The following ADAMTS16 variants were observed in gnomAD, a reference collection of about 807,000 sequenced individuals.
The protein encoded by ADAMTS16 is A disintegrin and metalloproteinase with thrombospondin motifs 16.
In ADAMTS16, 94 loss-of-function variants were observed where a neutral mutation model predicts 145.8. That is an observed-to-expected ratio of 0.64 (90% CI 0.55 to 0.77). The LOEUF (loss-of-function observed/expected upper bound fraction) is 0.77, where lower values mean the gene tolerates loss of function less well. Ranked by LOEUF, ADAMTS16 falls within the 30% of genes least tolerant of loss-of-function variation. ADAMTS16 has a pLI of 0.00. For synonymous variants in ADAMTS16, 659 were observed against 604.3 expected (o/e 1.09, Z -1.33); for missense variants, 1,585 against 1,591.5 (o/e 1.00, Z 0.07).
intron 8 of ADAMTS16, among the ~76,000 whole-genome samples, chr5:5,195,235 C>G (rs1242434412): frequency 6.6e-6 from 1 of 152,190 alleles, no homozygotes; most frequent in African/African-American, 2.4e-5. Context: ...GCTGGTGGTA[C>G]AAGGAGAGTT....
intron 18 of ADAMTS16, among the ~76,000 whole-genome samples, chr5:5,283,123 C>A (rs1738983342): frequency 6.6e-6 from 1 of 152,000 alleles, no homozygotes; most frequent in South Asian, 2.1e-4. Flanking sequence ...CTCTTATTTA[C>A]CCCTGCCCTT....
intron 21 of ADAMTS16, among the ~76,000 whole-genome samples, chr5:5,307,263 C>T: frequency 6.6e-6 from 1 of 152,164 alleles, no homozygotes; most frequent in East Asian, 1.9e-4. Flanking sequence ...TCGGGGTGGG[C>T]CCAGACCCCT....
chr5:5,203,480 G>T (rs191197310), intron 9 of ADAMTS16, among the ~76,000 whole-genome samples: 24 of 152,290 alleles, frequency 1.6e-4, no homozygotes, highest in Non-Finnish European at 2.1e-4. Flanking sequence ...CTTATTAGTA[G>T]TCTAGCATTT....
intron 18 of ADAMTS16, among the ~76,000 whole-genome samples, chr5:5,286,053 C>T (rs1473799357): frequency 6.6e-6 from 1 of 152,212 alleles, no homozygotes; most frequent in Non-Finnish European, 1.5e-5. Context: ...TGCTGCTCCT[C>T]TGTTCTACAT....
intron 18 of ADAMTS16, among the ~76,000 whole-genome samples, chr5:5,294,652 T>A (rs960270472): frequency 3.3e-5 from 5 of 152,250 alleles, no homozygotes; most frequent in Non-Finnish European, 5.9e-5. Context: ...TCTAGACATG[T>A]TGACACATCA....
intron 17 of ADAMTS16, among the ~76,000 whole-genome samples, chr5:5,249,050 T>C (rs1328967364): frequency 6.6e-6 from 1 of 152,058 alleles, no homozygotes; most frequent in Non-Finnish European, 1.5e-5. Flanking sequence ...ACCAGAGAGG[T>C]GTCTTCCAGT....
rs765625721 is a variant in ADAMTS16 at position 5,140,629 on chromosome 5, C to T, written c.73-35C>T. On this transcript the variant is annotated intron_variant, in intron 1 of 22. Coordinates refer to ENST00000274181, the MANE Select transcript of ADAMTS16 (RefSeq NM_139056.4). ...CGCGGCTCCTCTCCCGCGGACCCCGCCGTCTCACCGCGATGTCGCCGCTGT... is the reference window on the plus strand; with the variant it reads ...CGCGGCTCCTCTCCCGCGGACCCCGTCGTCTCACCGCGATGTCGCCGCTGT... 4 of 1,530,386 alleles carry T rather than the reference C, an allele frequency of 2.6e-6. No homozygotes were observed. In the Admixed American group the frequency reaches 5.9e-5, roughly 23 times the overall value. The allele number at this position is 1,530,386 out of a possible 1,614,324, so 94.8% of individuals were successfully genotyped here.
chr5:5,214,386 A>G (rs768916508), intron 10 of ADAMTS16, among the ~76,000 whole-genome samples: 3 of 152,126 alleles, frequency 2.0e-5, no homozygotes, highest in Non-Finnish European at 4.4e-5. Flanking sequence ...CACAAACTTT[A>G]TGTATTTTCT....
At chr5:5,318,446 G>A (rs561354108) in intron 22 of ADAMTS16, among the ~76,000 whole-genome samples, 165 bp downstream of exon 22, 22 of 152,292 alleles carry the variant, frequency 1.4e-4, no homozygotes, top group African/African-American at 4.3e-4. Flanking sequence ...AGAGCAGACC[G>A]GGCTGCCTCT....
At chr5:5,311,718 T>C (rs1740453900) in intron 21 of ADAMTS16, among the ~76,000 whole-genome samples, 1 of 149,588 alleles carries the variant, frequency 6.7e-6, no homozygotes, top group Non-Finnish European at 1.5e-5. Context: ...AGCTAGTTTT[T>C]GTTTTTGTTT....
intron 9 of ADAMTS16, among the ~76,000 whole-genome samples, chr5:5,208,269 G>A (rs1190887934): frequency 6.6e-6 from 1 of 152,142 alleles, no homozygotes; most frequent in Non-Finnish European, 1.5e-5. Context: ...AGCCAAGTTT[G>A]GAGGATGATC....
intron 11 of ADAMTS16, among the ~76,000 whole-genome samples, chr5:5,227,116 G>A (rs1363797303): frequency 6.6e-6 from 1 of 152,240 alleles, no homozygotes; most frequent in Non-Finnish European, 1.5e-5. Context: ...TTTCAGAAGA[G>A]GACACCGGGC....
intron 8 of ADAMTS16, among the ~76,000 whole-genome samples, chr5:5,197,058 G>A (rs889489600): frequency 6.6e-6 from 1 of 152,150 alleles, no homozygotes. Flanking sequence ...TGAAGCCTGC[G>A]TCAGGGCTCT....
At chr5:5,262,097 A>G (rs1738055451) in intron 17 of ADAMTS16, among the ~76,000 whole-genome samples, 1 of 152,244 alleles carries the variant, frequency 6.6e-6, no homozygotes. Context: ...GAGGCTGAGA[A>G]TCAAACAAAC....
intron 8 of ADAMTS16, among the ~76,000 whole-genome samples, chr5:5,192,134 C>A (rs1055443671): frequency 2.0e-5 from 3 of 152,202 alleles, no homozygotes; most frequent in Admixed American, 1.3e-4. Context: ...CAGGCATTCA[C>A]CACCATGCTT....
At chr5:5,275,873 T>C (rs1300960015) in intron 18 of ADAMTS16, among the ~76,000 whole-genome samples, 3 of 152,120 alleles carry the variant, frequency 2.0e-5, no homozygotes, top group Non-Finnish European at 4.4e-5. Context: ...TATTTTTTTT[T>C]TTTTTAAGAC....
At chr5:5,315,138 A>T (rs1187053284) in intron 21 of ADAMTS16, among the ~76,000 whole-genome samples, 1 of 152,188 alleles carries the variant, frequency 6.6e-6, no homozygotes, top group East Asian at 1.9e-4. Flanking sequence ...TCTTCACATG[A>T]CGGCAGCAAG....
intron 18 of ADAMTS16, among the ~76,000 whole-genome samples, chr5:5,292,528 T>G (rs1053463714): frequency 1.4e-5 from 2 of 142,234 alleles, no homozygotes; most frequent in African/African-American, 5.2e-5. Flanking sequence ...ATAATAATAA[T>G]TTTAAAAATA....
chr5:5,149,381 G>A (rs1734390726), intron 3 of ADAMTS16, among the ~76,000 whole-genome samples: 1 of 152,190 alleles, frequency 6.6e-6, no homozygotes, highest in Non-Finnish European at 1.5e-5. Context: ...GATAGACTTA[G>A]AGGGCTAGTT....
Sources: allele counts gnomAD v4.1 joint callset (sites outside exome capture counted in the v4.1 genomes callset), GRCh38; gene constraint gnomAD v4.1.1; transcripts MANE v1.5; gene names NCBI Gene and HGNC (gene_info 2026-07-23, HGNC 2026-07-21).